CHSY1: variants seen among roughly 807,000 people sequenced by gnomAD.
The protein encoded by CHSY1 is chondroitin sulfate synthase 1, also known as N-acetylgalactosaminyl-proteoglycan 3-beta-glucuronosyltransferase 1.
A neutral mutation model predicts 59.8 loss-of-function variants in CHSY1; 13 were observed. That is an observed-to-expected ratio of 0.22 (90% CI 0.14 to 0.35). CHSY1 has a LOEUF of 0.35. Among genes scored for constraint, CHSY1 ranks in the 10% least tolerant of loss-of-function variants. The probability of loss-of-function intolerance (pLI) is 1.00; values close to 1 mark genes in which losing one functional copy is unlikely to be tolerated. For synonymous variants in CHSY1, 459 were observed against 401.2 expected (o/e 1.14, Z -1.72); for missense variants, 947 against 1,030.6 (o/e 0.92, Z 1.11).
At chr15:101,222,476 A>G (rs2038799768) in intron 2 of CHSY1, among the ~76,000 whole-genome samples, 1 of 152,220 alleles carries the variant, frequency 6.6e-6, no homozygotes, top group African/African-American at 2.4e-5. Context: ...AAACTGATAC[A>G]TGTATACACT....
At chr15:101,203,793 A>G (rs2038597146) in intron 2 of CHSY1, among the ~76,000 whole-genome samples, 4 of 152,174 alleles carry the variant, frequency 2.6e-5, no homozygotes, top group Admixed American at 2.6e-4. Flanking sequence ...TAACTACAAA[A>G]TAACTCATCT....
intron 1 of CHSY1, among the ~76,000 whole-genome samples, chr15:101,243,907 G>A (rs569541087): frequency 1.3e-5 from 2 of 152,188 alleles, no homozygotes; most frequent in Non-Finnish European, 2.9e-5. Context: ...CGAGCAAAGT[G>A]TAACAGTCTT....
intron 2 of CHSY1, among the ~76,000 whole-genome samples, chr15:101,218,791 C>G (rs2038760467): frequency 1.3e-5 from 2 of 152,162 alleles, no homozygotes; most frequent in South Asian, 4.1e-4. Flanking sequence ...ACAGCTGTCA[C>G]TTGAATAGAC....
intron 2 of CHSY1, among the ~76,000 whole-genome samples, chr15:101,181,700 C>T (rs1401194255): frequency 2.0e-5 from 3 of 152,218 alleles, no homozygotes; most frequent in Admixed American, 1.3e-4. Context: ...TTAGAACACA[C>T]ATTGGAGACT....
intron 1 of CHSY1, among the ~76,000 whole-genome samples, chr15:101,239,666 G>T (rs977649416): frequency 2.0e-5 from 3 of 152,238 alleles, no homozygotes; most frequent in African/African-American, 4.8e-5. Flanking sequence ...ACGTGGACTA[G>T]TCAGTCTCAG....
chr15:101,233,017 G>T (rs112346883), intron 2 of CHSY1, among the ~76,000 whole-genome samples: 2,251 of 152,274 alleles, frequency 0.015, 46 homozygotes, highest in East Asian at 0.043. Context: ...GGGACCACAC[G>T]GGGAGGAGGC....
intron 2 of CHSY1, among the ~76,000 whole-genome samples, chr15:101,203,364 G>A (rs1485511666): frequency 1.3e-5 from 2 of 152,108 alleles, no homozygotes; most frequent in Non-Finnish European, 2.9e-5. Flanking sequence ...CAATACAAAG[G>A]CTTCCCACAA....
At position 101,178,564 on chromosome 15, in the gene CHSY1, C is replaced by T; in HGVS notation, c.1233G>A (p.Gln411=). Residue 411 remains glutamine, a synonymous_variant, in exon 3 of 3, where the codon CAG becomes CAA. Transcript: ENST00000254190. ...QREALDDIVM[Q]VMEMINANAK... is the part of the protein sequence containing the mutation. ...CGTTGGCATTGATCATCTCCATGACCTGCATGACAATGTCGTCCAAGGCTT... is the reference window on the plus strand; with the variant it reads ...CGTTGGCATTGATCATCTCCATGACTTGCATGACAATGTCGTCCAAGGCTT... 1 of 1,614,212 alleles carries T rather than the reference C, an allele frequency of 6.2e-7. No homozygotes were observed.
chr15:101,234,643 C>G (rs938864486), intron 2 of CHSY1, among the ~76,000 whole-genome samples: 1 of 152,138 alleles, frequency 6.6e-6, no homozygotes, highest in Non-Finnish European at 1.5e-5. Flanking sequence ...CTGAGGCAGG[C>G]AGATCACAAG....
At chr15:101,244,623 G>C (rs2039033474) in intron 1 of CHSY1, among the ~76,000 whole-genome samples, 1 of 152,226 alleles carries the variant, frequency 6.6e-6, no homozygotes, top group Admixed American at 6.5e-5. Flanking sequence ...GCATCACAGT[G>C]AGTACATCCT....
intron 2 of CHSY1, among the ~76,000 whole-genome samples, chr15:101,228,047 C>A: frequency 6.6e-6 from 1 of 151,162 alleles, no homozygotes; most frequent in Non-Finnish European, 1.5e-5. Flanking sequence ...CATACAAAGG[C>A]GGAAAAAGCA....
intron 1 of CHSY1, among the ~76,000 whole-genome samples, chr15:101,243,877 C>T (rs1426854256): frequency 6.6e-6 from 1 of 152,184 alleles, no homozygotes; most frequent in Admixed American, 6.5e-5. Context: ...GCAGACACTG[C>T]CATCAGTTAC....
intron 2 of CHSY1, among the ~76,000 whole-genome samples, chr15:101,216,207 C>T (rs2038730569): frequency 7.1e-6 from 1 of 140,590 alleles, no homozygotes; most frequent in African/African-American, 2.6e-5. Context: ...CGCTATATAA[C>T]TATTAGAATG....
intron 2 of CHSY1, among the ~76,000 whole-genome samples, chr15:101,200,715 G>A (rs2038564748): frequency 6.6e-6 from 1 of 152,030 alleles, no homozygotes; most frequent in Admixed American, 6.5e-5. Context: ...TTTCTTACCT[G>A]GCTGTTGCAG....
intron 2 of CHSY1, among the ~76,000 whole-genome samples, chr15:101,208,885 A>T (rs1567096603): frequency 6.6e-6 from 1 of 152,272 alleles, no homozygotes; most frequent in Non-Finnish European, 1.5e-5. Flanking sequence ...GTAAATGGGA[A>T]AAGGAACAAG....
chr15:101,192,770 T>C (rs1451609659), intron 2 of CHSY1, among the ~76,000 whole-genome samples: 2 of 152,206 alleles, frequency 1.3e-5, no homozygotes, highest in South Asian at 2.1e-4. Flanking sequence ...TAAGATGTCA[T>C]AGCTGAAAGT....
intron 2 of CHSY1, among the ~76,000 whole-genome samples, chr15:101,205,751 A>C (rs1367852104): frequency 1.3e-5 from 2 of 152,120 alleles, no homozygotes; most frequent in South Asian, 2.1e-4. Context: ...GGAGATCGAG[A>C]CCATCCTGGA....
chr15:101,242,261 G>A (rs906660144), intron 1 of CHSY1, among the ~76,000 whole-genome samples: 8 of 152,202 alleles, frequency 5.3e-5, no homozygotes, highest in East Asian at 1.9e-4. Context: ...CGCAAGGAAC[G>A]AAAGGCAAAT....
chr15:101,245,135 T>A (rs2039038072), intron 1 of CHSY1, among the ~76,000 whole-genome samples: 1 of 152,182 alleles, frequency 6.6e-6, no homozygotes, highest in African/African-American at 2.4e-5. Context: ...CAGGCTACTG[T>A]CCTGCCGAAA....
Sources: gnomAD v4.1 joint callset for allele counts (sites outside exome capture counted in the v4.1 genomes callset) on GRCh38, gnomAD v4.1.1 for gene constraint, MANE v1.5 for transcripts, NCBI Gene and HGNC (gene_info 2026-07-23, HGNC 2026-07-21) for gene names.